The following SNRNP70 variants were observed in gnomAD, a reference collection of about 807,000 sequenced individuals.
SNRNP70 encodes U1 small nuclear ribonucleoprotein 70 kDa.
Under a neutral mutation model 50.5 loss-of-function variants are expected in SNRNP70, and 8 were observed. The observed-to-expected ratio is 0.16, with a 90% CI of 0.09 to 0.29. SNRNP70 has a LOEUF of 0.29. SNRNP70 is among the 10% of genes least tolerant of loss of function. The pLI is 1.00. For missense variants in SNRNP70, 529 were observed against 663.5 expected, an observed-to-expected ratio of 0.80 and a Z score of 2.23; for synonymous variants, 320 against 252.9, an observed-to-expected ratio of 1.27 and a Z score of -2.52.
At position 49,108,527 on chromosome 19, in the gene SNRNP70, T is replaced by G. The variant is rs2040717051; in HGVS notation, c.*84T>G. On this transcript the variant is annotated 3_prime_UTR_variant, in exon 10 of 10. Transcript: ENST00000598441. ...CATCCCCTCCCCCAACCTTGGCCAC[T>G]TGAGTTTGTCCTCCAAGGGTAGGTG... 1 of 1,501,038 alleles carries G rather than the reference T, an allele frequency of 6.7e-7. No individual in the cohort carries two copies. Among genetic ancestry groups the G allele is most frequent in the African/African-American group, 1.4e-5 (1 of 71,620 alleles). The allele number at this position is 1,501,038 out of a possible 1,614,324, so 93.0% of individuals were successfully genotyped here.
chr19:49,102,053 G>A, intron 7 of SNRNP70: 3 of 854,282 alleles, frequency 3.5e-6, no homozygotes, highest in Non-Finnish European at 5.0e-6. Flanking sequence ...GGGAGGGTGG[G>A]CAGGGCTGCG....
chr19:49,091,750 A>G (rs7250446), intron 4 of SNRNP70, among the ~76,000 whole-genome samples: 67,563 of 151,944 alleles, frequency 0.44, 15,517 homozygotes, highest in Middle Eastern at 0.51. Context: ...CTGGCGGTGC[A>G]CTCTTTGGAC....
chr19:49,094,947 T>C (rs2040494436), intron 4 of SNRNP70, among the ~76,000 whole-genome samples: 1 of 152,226 alleles, frequency 6.6e-6, no homozygotes, highest in Admixed American at 6.5e-5. Context: ...CCCACTTCCG[T>C]TGAGTCTCTG....
Position 49,108,199 on chromosome 19 carries a change from G to A in SNRNP70, c.1070G>A (p.Ser357Asn). 1.3e-6 allele frequency: 2 copies of A among 1,534,158 alleles called. No homozygotes were observed. Among genetic ancestry groups the A allele is most frequent in the Non-Finnish European group, 1.8e-6 (2 of 1,139,756 alleles). Residue 357 changes from serine to asparagine, a missense_variant, in exon 10 of 10, where the codon AGC becomes AAC. By Grantham distance (46) the Ser-to-Asn change is conservative. Transcript: ENST00000598441. ...GATCGTGACCGGGAGCGACGGCGGA[G>A]CCACCGGAGCGAGCGCGAGCGGCGC... is the stretch of plus-strand genomic sequence containing the variant. ...GRDRDRERRR[S>N]HRSERERRRD...
intron 6 of SNRNP70, 146 bp downstream of exon 6, chr19:49,098,850 C>T: frequency 2.8e-6 from 2 of 703,404 alleles, no homozygotes; most frequent in Non-Finnish European, 2.6e-6. Context: ...TATCTCCATG[C>T]AGCAGACCTT....
At chr19:49,102,357 GCTCT>G (rs2040599369) in intron 7 of SNRNP70, 12 of 334,358 alleles carry the variant, frequency 3.6e-5, no homozygotes, top group South Asian at 2.7e-4. Flanking sequence ...CGATCCGTAT[GCTCT>G]CTGAGAATCT....
intron 8 of SNRNP70, among the ~76,000 whole-genome samples, chr19:49,105,729 C>CA (rs533671522): frequency 0.056 from 7,538 of 135,348 alleles, 353 homozygotes; most frequent in African/African-American, 0.14. Flanking sequence ...GACTCTGTCT[C>CA]AAAAAAAAAA....
At chr19:49,099,943 T>C (rs1383384972) in intron 6 of SNRNP70, among the ~76,000 whole-genome samples, 3 of 149,060 alleles carry the variant, frequency 2.0e-5, no homozygotes, top group Non-Finnish European at 4.5e-5. Flanking sequence ...TGTGCATGTG[T>C]ATATATGTGT....
chr19:49,096,202 C>T (rs143684267), intron 4 of SNRNP70, among the ~76,000 whole-genome samples: 260 of 151,874 alleles, frequency 1.7e-3, no homozygotes, highest in African/African-American at 5.5e-3. Flanking sequence ...GGACTATAGG[C>T]GCACACCACC....
At chr19:49,098,752 G>A (rs768629814) in intron 6 of SNRNP70, 48 bp downstream of exon 6, 2 of 1,478,082 alleles carry the variant, frequency 1.4e-6, no homozygotes, top group Admixed American at 3.3e-5. Flanking sequence ...CATGGAGGAG[G>A]GGCTGTATCC....
intron 6 of SNRNP70, among the ~76,000 whole-genome samples, chr19:49,099,418 C>T (rs982380071): frequency 2.0e-5 from 3 of 151,700 alleles, no homozygotes; most frequent in Non-Finnish European, 1.5e-5. Context: ...AGACCCCGTT[C>T]TCCACACAAA....
Position 49,087,117 on chromosome 19 carries a change from T to C in SNRNP70, c.147+556T>C, listed in dbSNP as rs968846341. On this transcript the variant is annotated intron_variant, in intron 2 of 9. Coordinates refer to ENST00000598441, the MANE Select transcript of SNRNP70 (RefSeq NM_003089.6). The stretch of plus-strand genomic sequence containing the variant: ...ATCACTTGAACCCAGGAGGCGGAGG[T>C]TGCAATGAGCCGAGATCGCGCCACT... Among the ~76,000 whole-genome samples the C allele has an allele frequency of 2.7e-5, 4 of 146,932 alleles. 1 individual carries two copies. Among genetic ancestry groups the C allele is most frequent in the Non-Finnish European group, 4.4e-5 (3 of 67,472 alleles).
intron 4 of SNRNP70, among the ~76,000 whole-genome samples, chr19:49,095,029 C>G (rs1255112529): frequency 6.6e-6 from 1 of 152,250 alleles, no homozygotes; most frequent in Non-Finnish European, 1.5e-5. Flanking sequence ...GGGCGCTGCA[C>G]GCATACGCTG....
intron 6 of SNRNP70, among the ~76,000 whole-genome samples, chr19:49,099,756 T>A (rs1402949127): frequency 6.3e-5 from 7 of 110,398 alleles, no homozygotes; most frequent in Admixed American, 3.5e-4. Context: ...AAAAAAAGTA[T>A]TGTAGGCTGG....
At chr19:49,102,210 C>G (rs1340742632) in intron 7 of SNRNP70, 1 of 1,283,446 alleles carries the variant, frequency 7.8e-7, no homozygotes, top group Non-Finnish European at 1.0e-6. Flanking sequence ...TAAGATCACT[C>G]AGCACCGCAC....
chr19:49,104,467 G>C lies in SNRNP70; in HGVS notation c.476-167G>C. ...CTGAGATGGAGCAGGCCCTTCACCG[G>C]TTTGGGAGAGGGTTGGTCTGGCTGT... On this transcript the variant is annotated intron_variant, in intron 7 of 9. Coordinates refer to ENST00000598441, the MANE Select transcript of SNRNP70 (RefSeq NM_003089.6). The surrounding 1 kb of genome is among the most constrained non-coding windows in gnomAD (Gnocchi z 5.4). 3.2e-6 allele frequency: 2 copies of C among 624,424 alleles called. No individual in the cohort carries two copies. Among genetic ancestry groups the C allele is most frequent in the Middle Eastern group, 2.5e-4 (1 of 4,014 alleles). The allele number at this position is 624,424 out of a possible 1,614,324, so 38.7% of individuals were successfully genotyped here. A position where few individuals can be genotyped will look rare whatever the true frequency, so the allele number is the denominator to read the frequency against.
At chr19:49,106,611 G>A (rs1486711528) in intron 8 of SNRNP70, among the ~76,000 whole-genome samples, 3 of 152,126 alleles carry the variant, frequency 2.0e-5, no homozygotes, top group Non-Finnish European at 2.9e-5. Flanking sequence ...CCTGCCTCAC[G>A]GAAGCTTTTC....
intron 2 of SNRNP70, among the ~76,000 whole-genome samples, chr19:49,088,220 T>TTTTTTTG (rs2040405974): frequency 8.2e-6 from 1 of 122,080 alleles, no homozygotes; most frequent in Admixed American, 7.9e-5. Context: ...TTTTTTTTTT[T>TTTTTTTG]GACTTGGAGT....
intron 4 of SNRNP70, among the ~76,000 whole-genome samples, chr19:49,091,219 A>G (rs1404113470): frequency 1.3e-5 from 2 of 151,704 alleles, no homozygotes; most frequent in Non-Finnish European, 2.9e-5. Context: ...AAGTACAAAA[A>G]TTAGCTGGGC....
Sources: allele counts gnomAD v4.1 joint callset (sites outside exome capture counted in the v4.1 genomes callset), GRCh38; gene constraint gnomAD v4.1.1; non-coding constraint Gnocchi (gnomAD v3.1); transcripts MANE v1.5; gene names NCBI Gene and HGNC (gene_info 2026-07-23, HGNC 2026-07-21).